The following DOCK4 variants were observed in gnomAD, a reference collection of about 807,000 sequenced individuals.
DOCK4 encodes dedicator of cytokinesis protein 4.
DOCK4 carries 97 observed loss-of-function variants against 268.1 expected under a neutral mutation model. That is an observed-to-expected ratio of 0.36 (90% CI 0.31 to 0.43). The LOEUF (loss-of-function observed/expected upper bound fraction) is 0.43, where lower values mean the gene tolerates loss of function less well. Among genes scored for constraint, DOCK4 ranks in the 20% least tolerant of loss-of-function variants. The pLI, the probability that DOCK4 is intolerant of heterozygous loss-of-function variation, is 1.00. For missense variants in DOCK4, 2,145 were observed against 2,455.7 expected, an observed-to-expected ratio of 0.87 and a Z score of 2.67; for synonymous variants, 954 against 887.2, an observed-to-expected ratio of 1.08 and a Z score of -1.34.
chr7:112,205,611 C>T (rs949190452), intron 1 of DOCK4, among the ~76,000 whole-genome samples: 8 of 152,170 alleles, frequency 5.3e-5, no homozygotes, highest in African/African-American at 1.9e-4. Flanking sequence ...CGATCCGAGC[C>T]AGAGGGAAGG....
At chr7:111,840,454 T>C (rs1803591758) in intron 25 of DOCK4, among the ~76,000 whole-genome samples, 1 of 152,172 alleles carries the variant, frequency 6.6e-6, no homozygotes, top group Non-Finnish European at 1.5e-5. Context: ...CAAGTGGTCA[T>C]TCATACTGCT....
chr7:111,832,082 T>C (rs1281178317), intron 26 of DOCK4, among the ~76,000 whole-genome samples: 1 of 152,076 alleles, frequency 6.6e-6, no homozygotes, highest in African/African-American at 2.4e-5. Context: ...GAAATACACA[T>C]AAACAAATAA....
At chr7:111,752,749 G>C (rs920507712) in intron 42 of DOCK4, among the ~76,000 whole-genome samples, 1 of 151,586 alleles carries the variant, frequency 6.6e-6, no homozygotes, top group Non-Finnish European at 1.5e-5. Context: ...ACCATGCCCG[G>C]CTACTTTTTT....
At chr7:112,139,750 G>GA (rs1057134659) in intron 1 of DOCK4, among the ~76,000 whole-genome samples, 15 of 152,126 alleles carry the variant, frequency 9.9e-5, no homozygotes, top group Non-Finnish European at 1.3e-4. Flanking sequence ...TAAAGAGACA[G>GA]AAAAAATCAT....
In DOCK4 at chr7:111,728,398, G is replaced by A. The variant is rs34597439; in HGVS notation, c.5804C>T (p.Ser1935Leu). 0.035 allele frequency: 54,676 copies of A among 1,562,028 alleles called. 1,169 individuals carry two copies. The highest frequency in any genetic ancestry group is 0.042 in the Non-Finnish European group (47,865 of 1,152,362). ...CTTGGGGGGCAGCGCGGGCGGCTCC[G>A]ACGTGACGGGGATGGAGAGGCTGTG... ...LPHSLSIPVT[S>L]EPPALPPKPL... Residue 1935 changes from serine (S) to leucine (L), a missense_variant, in exon 53 of 53, where the codon TCG becomes TTG. Transcript: ENST00000428084.
intron 15 of DOCK4, among the ~76,000 whole-genome samples, chr7:111,896,487 G>GT (rs79817951): frequency 2.3e-3 from 322 of 138,526 alleles, no homozygotes; most frequent in South Asian, 4.7e-3. Context: ...TTCCACCAAG[G>GT]TTTTTTTTTT....
Position 112,130,228 on chromosome 7 carries a change from C to G in DOCK4, c.37+75874G>C, listed in dbSNP as rs373439665. 5.3e-5 allele frequency among the ~76,000 whole-genome samples: 8 copies of G among 152,222 alleles called. No individual in the cohort carries two copies. In the East Asian group the frequency reaches 1.5e-3, roughly 29 times the overall value. ...CAGGATGAGGACGGGGGCTGTGTGACAGTACAGGTACCCGTTGGGGAGAGC... is the reference window on the plus strand; with the variant it reads ...CAGGATGAGGACGGGGGCTGTGTGAGAGTACAGGTACCCGTTGGGGAGAGC... On this transcript the variant is annotated intron_variant, in intron 1 of 52. Coordinates refer to ENST00000428084, the MANE Select transcript of DOCK4 (RefSeq NM_001363540.2).
At position 111,763,057 on chromosome 7, in the gene DOCK4, C is replaced by T. The variant is rs551715014; in HGVS notation, c.4020+2061G>A. ...TGCTGCAATTACAGGCATGAGCTACCGTGCCCAGCTAAATAACCCGTTTTT... is the reference window on the plus strand; with the variant it reads ...TGCTGCAATTACAGGCATGAGCTACTGTGCCCAGCTAAATAACCCGTTTTT... On this transcript the variant is annotated intron_variant, in intron 39 of 52. Coordinates refer to ENST00000428084, the MANE Select transcript of DOCK4 (RefSeq NM_001363540.2). 1.1e-4 allele frequency among the ~76,000 whole-genome samples: 17 copies of T among 151,324 alleles called. No homozygotes were observed. In the South Asian group the frequency reaches 2.7e-3, roughly 24 times the overall value.
At chr7:112,055,127 T>C (rs1222391236) in intron 1 of DOCK4, among the ~76,000 whole-genome samples, 3 of 152,218 alleles carry the variant, frequency 2.0e-5, no homozygotes, top group African/African-American at 4.8e-5. Context: ...CAAAGACTAA[T>C]TGACATAAAC....
intron 2 of DOCK4, among the ~76,000 whole-genome samples, chr7:112,003,349 C>T (rs1197541162): frequency 6.6e-6 from 1 of 152,160 alleles, no homozygotes; most frequent in Admixed American, 6.5e-5. Context: ...GATCATGCCA[C>T]TGCACTCCTA....
At chr7:112,049,908 T>C (rs1805193301) in intron 1 of DOCK4, among the ~76,000 whole-genome samples, 1 of 152,214 alleles carries the variant, frequency 6.6e-6, no homozygotes, top group South Asian at 2.1e-4. Flanking sequence ...CTTGGTGACT[T>C]AAATCTGAAT....
At chr7:111,833,961 A>ACAGAT (rs1221876935) in intron 26 of DOCK4, among the ~76,000 whole-genome samples, 1 of 152,220 alleles carries the variant, frequency 6.6e-6, no homozygotes, top group African/African-American at 2.4e-5. Flanking sequence ...AAGGAAGATG[A>ACAGAT]CAGATCATAT....
At chr7:111,765,275 C>A (rs774338868) in intron 38 of DOCK4, 53 bp from the exon 39 acceptor site, 42 of 991,564 alleles carry the variant, frequency 4.2e-5, no homozygotes, top group Non-Finnish European at 5.8e-5. Flanking sequence ...TCGGTTCTAT[C>A]AAATTTATAG....
chr7:111,739,259 G>A lies in DOCK4; in HGVS notation c.5123-16C>T, dbSNP rs1003430622. 2 of 1,609,570 alleles carry A rather than the reference G, an allele frequency of 1.2e-6. No homozygotes were observed. Among genetic ancestry groups the A allele is most frequent in the African/African-American group, 2.7e-5 (2 of 74,850 alleles). ...AAAGGAGAAGCTGGGAAGAGAAGGAGAGAGAGGATCATCAGCATGGTAGTG... is the reference window on the plus strand; with the variant it reads ...AAAGGAGAAGCTGGGAAGAGAAGGAAAGAGAGGATCATCAGCATGGTAGTG... On this transcript the variant is annotated splice_polypyrimidine_tract_variant and intron_variant, in intron 48 of 52. Transcript: ENST00000428084.
chr7:112,001,868 G>T lies in DOCK4; in HGVS notation c.122-1334C>A, dbSNP rs534250582. Among the ~76,000 whole-genome samples the T allele has an allele frequency of 1.2e-3, 184 of 152,230 alleles. 1 individual carries two copies. The Middle Eastern group carries it at 0.02, about 17-fold the overall frequency. On this transcript the variant is annotated intron_variant, in intron 2 of 52. Transcript: ENST00000428084. ...TCCCTTGCCAATAAGCAGGCTCAAG[G>T]ACTGCTGGATTTAAGCTCCCAGCAA...
intron 1 of DOCK4, among the ~76,000 whole-genome samples, chr7:112,046,140 G>A (rs1804802178): frequency 6.6e-6 from 1 of 152,034 alleles, no homozygotes; most frequent in African/African-American, 2.4e-5. Context: ...GATATACTTG[G>A]CATTTACTGG....
At chr7:112,036,875 G>A (rs1803836826) in intron 1 of DOCK4, among the ~76,000 whole-genome samples, 1 of 151,994 alleles carries the variant, frequency 6.6e-6, no homozygotes, top group South Asian at 2.1e-4. Flanking sequence ...TGGCCAAGCT[G>A]GTCTCATACT....
At chr7:112,050,111 T>C (rs1805212586) in intron 1 of DOCK4, among the ~76,000 whole-genome samples, 1 of 152,200 alleles carries the variant, frequency 6.6e-6, no homozygotes, top group Admixed American at 6.5e-5. Context: ...TTCCTCTCCT[T>C]TTATTTGTCA....
chr7:112,012,026 C>T (rs923136393), intron 1 of DOCK4, among the ~76,000 whole-genome samples: 6 of 151,766 alleles, frequency 4.0e-5, no homozygotes, highest in Non-Finnish European at 4.4e-5. Flanking sequence ...CCCACGATGA[C>T]ACCCCCTGCC....
Sources: gnomAD v4.1 joint callset for allele counts (sites outside exome capture counted in the v4.1 genomes callset) on GRCh38, gnomAD v4.1.1 for gene constraint, MANE v1.5 for transcripts, NCBI Gene and HGNC (gene_info 2026-07-23, HGNC 2026-07-21) for gene names.